CCDC122: variants seen among roughly 807,000 people sequenced by gnomAD.
CCDC122 encodes the protein coiled-coil domain-containing protein 122.
In CCDC122, 38 loss-of-function variants were observed where a neutral mutation model predicts 37.0. The ratio of observed to expected loss-of-function variants is 1.03; its 90% CI spans 0.79 to 1.35. CCDC122 has a LOEUF of 1.35. Ranked by LOEUF, CCDC122 falls within the 40% of genes most tolerant of loss-of-function variation. CCDC122 has a pLI of 0.00. For missense variants in CCDC122, 305 were observed against 310.0 expected, an observed-to-expected ratio of 0.98 and a Z score of 0.12; for synonymous variants, 83 against 95.6, an observed-to-expected ratio of 0.87 and a Z score of 0.77.
intron 6 of CCDC122, among the ~76,000 whole-genome samples, chr13:43,844,356 T>C (rs574654889): frequency 1.3e-5 from 2 of 152,168 alleles, no homozygotes; most frequent in South Asian, 2.1e-4. Flanking sequence ...CTCATTGTTA[T>C]TGATTTCTAA....
intron 6 of CCDC122, among the ~76,000 whole-genome samples, chr13:43,843,968 T>C (rs1953436778): frequency 6.6e-6 from 1 of 152,056 alleles, no homozygotes; most frequent in East Asian, 1.9e-4. Flanking sequence ...TTGCTATGGG[T>C]TTCTCGATTT....
At chr13:43,871,224 C>G (rs1954440838) in intron 2 of CCDC122, among the ~76,000 whole-genome samples, 1 of 152,090 alleles carries the variant, frequency 6.6e-6, no homozygotes, top group South Asian at 2.1e-4. Flanking sequence ...CCCACTACTA[C>G]CATCTATATT....
At chr13:43,867,273 C>A (rs937077259) in intron 4 of CCDC122, among the ~76,000 whole-genome samples, 1 of 152,054 alleles carries the variant, frequency 6.6e-6, no homozygotes, top group African/African-American at 2.4e-5. Flanking sequence ...TGGTATAAAT[C>A]TTCCATGATT....
At position 43,854,406 on chromosome 13, in the gene CCDC122, C is replaced by G. The variant is rs543385690; in HGVS notation, c.672+4375G>C. ...ATGGATAAATTCCTGGAGACATACACCCTCCCAAGACTGAACCGGGAAGAA... is the reference window on the plus strand; with the variant it reads ...ATGGATAAATTCCTGGAGACATACAGCCTCCCAAGACTGAACCGGGAAGAA... On this transcript the variant is annotated intron_variant, in intron 6 of 6. Transcript: ENST00000444614. 5.3e-5 allele frequency: 8 copies of G among 152,252 alleles called. No individual in the cohort carries two copies. In the South Asian group the frequency reaches 1.4e-3, roughly 28 times the overall value. The allele number at this position is 152,252 out of a possible 1,614,324, so 9.4% of individuals were successfully genotyped here.
At chr13:43,834,444 C>T (rs908247780), downstream of CCDC122, among the ~76,000 whole-genome samples, 1 of 152,100 alleles carries the variant, frequency 6.6e-6, no homozygotes, top group Non-Finnish European at 1.5e-5. Flanking sequence ...GCAACAAAAG[C>T]CAAAATTGAC....
intron 6 of CCDC122, among the ~76,000 whole-genome samples, chr13:43,843,028 C>T (rs554141115): frequency 5.4e-4 from 82 of 152,056 alleles, no homozygotes; most frequent in Non-Finnish European, 1.0e-3. Context: ...TTTCTTATAA[C>T]ATTGATTAGG....
intron 5 of CCDC122, 108 bp from the exon 6 acceptor site, chr13:43,859,005 A>T: frequency 4.4e-6 from 4 of 899,012 alleles, no homozygotes; most frequent in African/African-American, 1.8e-5. Flanking sequence ...ATCAAAATTT[A>T]GTTTTGATAA....
At chr13:43,862,560 CCT>C (rs747181538) in intron 4 of CCDC122, among the ~76,000 whole-genome samples, 9 of 152,062 alleles carry the variant, frequency 5.9e-5, no homozygotes, top group Non-Finnish European at 1.2e-4. Context: ...GCTTGCTTCC[CCT>C]GACTAGAAAG....
intron 6 of CCDC122, among the ~76,000 whole-genome samples, chr13:43,845,636 C>T (rs560635544): frequency 2.2e-3 from 340 of 152,254 alleles, no homozygotes; most frequent in African/African-American, 8.0e-3. Flanking sequence ...TGCTGGAGCC[C>T]GGGAGGCAGA....
At chr13:43,878,134 G>C (rs1182529765) in intron 1 of CCDC122, 1 of 151,914 alleles carries the variant, frequency 6.6e-6, no homozygotes, top group Admixed American at 6.6e-5. Flanking sequence ...TTGCATGAAA[G>C]AATACGAATC....
chr13:43,833,979 T>C (rs1480573901), downstream of CCDC122, among the ~76,000 whole-genome samples: 3 of 152,228 alleles, frequency 2.0e-5, no homozygotes, highest in African/African-American at 4.8e-5. Context: ...TTTTCTAATA[T>C]TAGAGTTTAT....
rs141965033 is a variant in CCDC122 at position 43,851,665 on chromosome 13, T to C, written c.672+7116A>G. Among the ~76,000 whole-genome samples the C allele has an allele frequency of 5.2e-4, 79 of 152,316 alleles. 1 individual carries two copies. Among genetic ancestry groups the C allele is most frequent in the South Asian group, 1.9e-3 (9 of 4,824 alleles). On this transcript the variant is annotated intron_variant, in intron 6 of 6. Coordinates refer to ENST00000444614, the MANE Select transcript of CCDC122 (RefSeq NM_144974.5). ...TGCTGCTGGCATGCACAAACAAGAATGGATCCTGCTATCACTGCACTACTG... is the reference window on the plus strand; with the variant it reads ...TGCTGCTGGCATGCACAAACAAGAACGGATCCTGCTATCACTGCACTACTG...
At chr13:43,839,931 A>T (rs1953287363) in intron 6 of CCDC122, among the ~76,000 whole-genome samples, 1 of 152,230 alleles carries the variant, frequency 6.6e-6, no homozygotes, top group African/African-American at 2.4e-5. Context: ...AGAAATTTAT[A>T]GACAAAAAAA....
downstream of CCDC122, among the ~76,000 whole-genome samples, chr13:43,834,800 T>G (rs9533644): frequency 0.025 from 3,805 of 151,924 alleles, 70 homozygotes; most frequent in Non-Finnish European, 0.037. Context: ...CATTAAAAAG[T>G]CAGGAAGCAA....
downstream of CCDC122, among the ~76,000 whole-genome samples, chr13:43,821,720 C>T (rs1952994230): frequency 6.6e-6 from 1 of 152,068 alleles, no homozygotes; most frequent in African/African-American, 2.4e-5. Flanking sequence ...TCAAATACCT[C>T]ATCTTCAAGC....
Position 43,848,992 on chromosome 13 carries a change from G to A in CCDC122, c.672+9789C>T, listed in dbSNP as rs1030455233. 1.5e-5 allele frequency: 14 copies of A among 960,232 alleles called. No homozygotes were observed. The Admixed American group carries it at 1.8e-4, about 13-fold the overall frequency. The allele number at this position is 960,232 out of a possible 1,614,324, so 59.5% of individuals were successfully genotyped here. A position where few individuals can be genotyped will look rare whatever the true frequency, so the allele number is the denominator to read the frequency against. On this transcript the variant is annotated intron_variant, in intron 6 of 6. Coordinates refer to ENST00000444614, the MANE Select transcript of CCDC122 (RefSeq NM_144974.5). ...AAGAAGGTTACTCATATTAATGATC[G>A]ATTCTCATCATGGAATAAATAAAAT...
chr13:43,831,605 G>A (rs1478793251), downstream of CCDC122, among the ~76,000 whole-genome samples: 1 of 152,166 alleles, frequency 6.6e-6, no homozygotes, highest in Non-Finnish European at 1.5e-5. Context: ...ATCTTAGACT[G>A]GCAGTATATT....
chr13:43,845,340 T>A (rs1022727986), intron 6 of CCDC122, among the ~76,000 whole-genome samples: 7 of 152,174 alleles, frequency 4.6e-5, no homozygotes, highest in African/African-American at 1.7e-4. Flanking sequence ...TTTGAATTAC[T>A]CAAAAAAAGA....
chr13:43,838,572 G>A (rs1412862058), intron 6 of CCDC122, among the ~76,000 whole-genome samples: 1 of 152,152 alleles, frequency 6.6e-6, no homozygotes, highest in Non-Finnish European at 1.5e-5. Flanking sequence ...TATATTCATA[G>A]AGTTGTACCA....
Sources: allele counts gnomAD v4.1 joint callset (sites outside exome capture counted in the v4.1 genomes callset), GRCh38; gene constraint gnomAD v4.1.1; transcripts MANE v1.5; gene names NCBI Gene and HGNC (gene_info 2026-07-23, HGNC 2026-07-21).